The following NAALADL2 variants were observed in gnomAD, a reference collection of about 807,000 sequenced individuals.
The protein encoded by NAALADL2 is inactive N-acetylated-alpha-linked acidic dipeptidase-like protein 2.
Under a neutral mutation model 87.2 loss-of-function variants are expected in NAALADL2, and 76 were observed. That is an observed-to-expected ratio of 0.87 (90% confidence interval 0.72 to 1.05). NAALADL2 has a LOEUF of 1.05. Ranked by LOEUF, NAALADL2 falls within the 50% of genes least tolerant of loss-of-function variation. The probability of loss-of-function intolerance (pLI) is 0.00; values close to 1 mark genes in which losing one functional copy is unlikely to be tolerated. For synonymous variants in NAALADL2, 354 were observed against 331.0 expected (o/e 1.07, Z -0.75); for missense variants, 1,089 against 945.8 (o/e 1.15, Z -1.99).
intron 1 of NAALADL2, among the ~76,000 whole-genome samples, chr3:175,022,436 C>T (rs1751680756): frequency 6.6e-6 from 1 of 151,890 alleles, no homozygotes; most frequent in Non-Finnish European, 1.5e-5. Flanking sequence ...CTGATTTTGA[C>T]TCAGATTAAA....
chr3:174,599,354 C>T (rs1443963069), intron 2 of NAALADL2, among the ~76,000 whole-genome samples: 2 of 151,986 alleles, frequency 1.3e-5, no homozygotes, highest in African/African-American at 4.8e-5. Flanking sequence ...CAAATCTGTC[C>T]CTAACTAGGA....
At chr3:175,152,601 A>C (rs984108480) in intron 2 of NAALADL2, among the ~76,000 whole-genome samples, 1 of 152,188 alleles carries the variant, frequency 6.6e-6, no homozygotes, top group Non-Finnish European at 1.5e-5. Context: ...CAATTGCTAC[A>C]TTATGTAGAA....
chr3:175,000,015 G>C (rs1410253368), intron 1 of NAALADL2, among the ~76,000 whole-genome samples: 1 of 151,974 alleles, frequency 6.6e-6, no homozygotes. Context: ...AAATCAGAAG[G>C]ATCTAGTGTC....
intron 1 of NAALADL2, among the ~76,000 whole-genome samples, chr3:174,487,058 G>A (rs929029010): frequency 6.6e-6 from 1 of 151,780 alleles, no homozygotes; most frequent in African/African-American, 2.4e-5. Context: ...TTTCTCTCTG[G>A]TCCTGATGCT....
chr3:174,505,372 C>T (rs1719137447), intron 1 of NAALADL2, among the ~76,000 whole-genome samples: 1 of 152,116 alleles, frequency 6.6e-6, no homozygotes, highest in South Asian at 2.1e-4. Flanking sequence ...CTTCTAAGCG[C>T]TGATTATTTT....
intron 2 of NAALADL2, among the ~76,000 whole-genome samples, chr3:174,722,110 ATTC>A (rs1340336226): frequency 2.0e-5 from 3 of 152,056 alleles, no homozygotes; most frequent in African/African-American, 7.2e-5. Flanking sequence ...GCCCTTTCCC[ATTC>A]TTCTTATTTA....
intron 3 of NAALADL2, among the ~76,000 whole-genome samples, chr3:174,795,463 T>A (rs1717974227): frequency 6.6e-6 from 1 of 152,212 alleles, no homozygotes; most frequent in Non-Finnish European, 1.5e-5. Flanking sequence ...GAAATGTTTC[T>A]ACTGTTTGGT....
At chr3:175,670,665 C>T (rs1733881486) in intron 11 of NAALADL2, among the ~76,000 whole-genome samples, 1 of 149,412 alleles carries the variant, frequency 6.7e-6, no homozygotes, top group South Asian at 2.1e-4. Context: ...TTTCAATCCT[C>T]CAAGATATTT....
At chr3:174,720,299 T>A (rs1427321170) in intron 2 of NAALADL2, among the ~76,000 whole-genome samples, 1 of 152,162 alleles carries the variant, frequency 6.6e-6, no homozygotes, top group African/African-American at 2.4e-5. Context: ...TTTCAATATA[T>A]TTGTGAATTT....
intron 2 of NAALADL2, among the ~76,000 whole-genome samples, chr3:174,627,564 C>T (rs563113855): frequency 2.0e-5 from 3 of 152,146 alleles, no homozygotes; most frequent in Admixed American, 2.0e-4. Flanking sequence ...AAACTTTGAT[C>T]CAGCAATCCC....
At chr3:175,083,555 G>A (rs886191736) in intron 1 of NAALADL2, among the ~76,000 whole-genome samples, 1 of 152,124 alleles carries the variant, frequency 6.6e-6, no homozygotes, top group Non-Finnish European at 1.5e-5. Flanking sequence ...TTTTTCTGGA[G>A]TTCATAGCTA....
chr3:175,603,658 T>C (rs1421351347), intron 10 of NAALADL2, among the ~76,000 whole-genome samples: 3 of 152,188 alleles, frequency 2.0e-5, no homozygotes, highest in African/African-American at 4.8e-5. Flanking sequence ...CGCCTTCCTT[T>C]TTAAGGTTGA....
At chr3:174,593,556 TA>T (rs1717594931) in intron 2 of NAALADL2, among the ~76,000 whole-genome samples, 1 of 147,074 alleles carries the variant, frequency 6.8e-6, no homozygotes, top group African/African-American at 2.5e-5. Context: ...ATTGCTTTCC[TA>T]AAAACAAGGG....
At chr3:174,991,882 A>C (rs1746797312) in intron 1 of NAALADL2, among the ~76,000 whole-genome samples, 1 of 152,134 alleles carries the variant, frequency 6.6e-6, no homozygotes, top group Non-Finnish European at 1.5e-5. Flanking sequence ...TATGAATAGA[A>C]TATTCTTGTC....
chr3:175,034,548 C>T (rs1307015873), intron 1 of NAALADL2, among the ~76,000 whole-genome samples: 1 of 152,000 alleles, frequency 6.6e-6, no homozygotes, highest in Non-Finnish European at 1.5e-5. Context: ...AAGAGACTTC[C>T]CCTGGCCACA....
Position 175,017,153 on chromosome 3 carries a change from G to T in NAALADL2, c.44-79637G>T, listed in dbSNP as rs563506926. 1.5e-4 allele frequency among the ~76,000 whole-genome samples: 22 copies of T among 148,514 alleles called. No individual in the cohort carries two copies. The South Asian group carries it at 4.6e-3, about 31-fold the overall frequency. ...TTAATTGGATGATTTAAAATAATTT[G>T]CTCACATTGCTTTTCTTTTTTTTTT... On this transcript the variant is annotated intron_variant, in intron 1 of 13. Coordinates refer to ENST00000454872, the MANE Select transcript of NAALADL2 (RefSeq NM_207015.3).
At chr3:175,542,819 G>A (rs1241098108) in intron 9 of NAALADL2, among the ~76,000 whole-genome samples, 1 of 152,160 alleles carries the variant, frequency 6.6e-6, no homozygotes, top group Non-Finnish European at 1.5e-5. Context: ...ATTTTGATAA[G>A]CCAATTCAAT....
chr3:174,453,836 A>G (rs1308784463), intron 1 of NAALADL2, among the ~76,000 whole-genome samples: 2 of 152,160 alleles, frequency 1.3e-5, no homozygotes, highest in African/African-American at 4.8e-5. Context: ...ACAACACTAT[A>G]AAACAGCCAC....
At chr3:175,516,961 A>G (rs1156541094) in intron 9 of NAALADL2, among the ~76,000 whole-genome samples, 3 of 152,198 alleles carry the variant, frequency 2.0e-5, no homozygotes, top group African/African-American at 7.2e-5. Context: ...ACAATTGTGT[A>G]GCTAATTTTT....
Sources: allele counts gnomAD v4.1 joint callset (sites outside exome capture counted in the v4.1 genomes callset), GRCh38; gene constraint gnomAD v4.1.1; transcripts MANE v1.5; gene names NCBI Gene and HGNC (gene_info 2026-07-23, HGNC 2026-07-21).